The following CDCA7L variants were observed in gnomAD, a reference collection of about 807,000 sequenced individuals.
CDCA7L encodes cell division cycle-associated 7-like protein.
Under a neutral mutation model 57.4 loss-of-function variants are expected in CDCA7L, and 44 were observed. The observed-to-expected ratio is 0.77, with a 90% CI of 0.60 to 0.98. The LOEUF (loss-of-function observed/expected upper bound fraction) is 0.98. Ranked by LOEUF, CDCA7L falls within the 50% of genes least tolerant of loss-of-function variation. CDCA7L has a pLI of 0.00. For missense variants in CDCA7L, 644 were observed against 580.6 expected, an observed-to-expected ratio of 1.11 and a Z score of -1.12; for synonymous variants, 236 against 202.8, an observed-to-expected ratio of 1.16 and a Z score of -1.39.
At chr7:21,944,686 C>T (rs1469792232) in intron 1 of CDCA7L, 1 of 152,096 alleles carries the variant, frequency 6.6e-6, no homozygotes, top group Non-Finnish European at 1.5e-5. Flanking sequence ...CCGTTAGTGG[C>T]TCAGTCTTTG....
rs150191317 is a variant in CDCA7L, at chr7:21,942,143, C to A, written c.24+3638G>T. Among the ~76,000 whole-genome samples the A allele has an allele frequency of 2.6e-4, 39 of 152,292 alleles. No homozygotes were observed. The East Asian group carries it at 7.1e-3, about 28-fold the overall frequency. The stretch of plus-strand genomic sequence containing the variant: ...CAGTGTACTAACCCAGTCAGCAAGC[C>A]CTCTATCCTCAGCTGATGATCATGA... On this transcript the variant is annotated intron_variant, in intron 1 of 9. Transcript: ENST00000406877.
chr7:21,916,834 A>C lies in CDCA7L; in HGVS notation c.85T>G (p.Phe29Val). The C allele has an allele frequency of 6.2e-7, 1 of 1,614,118 alleles. No homozygotes were observed. Among genetic ancestry groups the C allele is most frequent in the Non-Finnish European group, 8.5e-7 (1 of 1,179,976 alleles). The change falls in exon 2 of 10, where the codon TTC becomes GTC. Residue 29 changes from phenylalanine to valine, a missense_variant. By Grantham distance (50) the Phe-to-Val change is conservative (BLOSUM62 -1). Transcript: ENST00000406877. ...APSDDEEFVG[F>V]RDDVPMETLS... ...GTTTCCATGGGAACATCATCTCGGA[A>C]GCCAACAAACTCTTCATCATCACTG... is the stretch of plus-strand genomic sequence containing the variant.
chr7:21,922,775 G>A (rs1453859916), intron 1 of CDCA7L, among the ~76,000 whole-genome samples: 2 of 152,130 alleles, frequency 1.3e-5, no homozygotes, highest in African/African-American at 2.4e-5. Flanking sequence ...AGTATCCATC[G>A]ATGGATAAAT....
intron 1 of CDCA7L, among the ~76,000 whole-genome samples, chr7:21,941,053 ACAATGTGT>A (rs994849780): frequency 6.6e-6 from 1 of 152,150 alleles, no homozygotes; most frequent in African/African-American, 2.4e-5. Flanking sequence ...CCCTAGGAAA[ACAATGTGT>A]CAGAGGCTCC....
Position 21,928,376 on chromosome 7 carries a change from C to G in CDCA7L, c.25-11482G>C, listed in dbSNP as rs571911956. 2.0e-5 allele frequency among the ~76,000 whole-genome samples: 3 copies of G among 152,116 alleles called. No individual in the cohort carries two copies. The South Asian group carries it at 6.2e-4, about 32-fold the overall frequency. Reference sequence around the variant, plus strand: ...ACCAGCACAAAAAGGCTGAAAATTCCAAAAACCAGAATGCCTCTTCTCCTC... The same window carrying G: ...ACCAGCACAAAAAGGCTGAAAATTCGAAAAACCAGAATGCCTCTTCTCCTC... On this transcript the variant is annotated intron_variant, in intron 1 of 9. Coordinates refer to ENST00000406877, the MANE Select transcript of CDCA7L (RefSeq NM_018719.5).
intron 3 of CDCA7L, among the ~76,000 whole-genome samples, chr7:21,911,145 T>C (rs560071433): frequency 1.4e-5 from 2 of 147,746 alleles, no homozygotes; most frequent in South Asian, 2.2e-4. Context: ...TCCTCCTGCC[T>C]CCGCCTCCCG....
chr7:21,904,939 G>T (rs1227318726), intron 7 of CDCA7L, among the ~76,000 whole-genome samples: 2 of 152,190 alleles, frequency 1.3e-5, no homozygotes, highest in Non-Finnish European at 2.9e-5. Context: ...TGAGCCTTGG[G>T]TGGCATCACC....
chr7:21,928,940 C>G (rs1785909356), intron 1 of CDCA7L, among the ~76,000 whole-genome samples: 1 of 152,020 alleles, frequency 6.6e-6, no homozygotes, highest in Admixed American at 6.6e-5. Flanking sequence ...CATTCAAACT[C>G]AGAAAATACA....
intron 1 of CDCA7L, among the ~76,000 whole-genome samples, chr7:21,925,590 T>A (rs79770187): frequency 0.012 from 1,854 of 152,288 alleles, 36 homozygotes; most frequent in African/African-American, 0.042. Context: ...AAGAGAATCA[T>A]AAAATCAAGG....
intron 1 of CDCA7L, among the ~76,000 whole-genome samples, chr7:21,919,939 T>C (rs1235255497): frequency 1.3e-5 from 2 of 152,244 alleles, no homozygotes; most frequent in Non-Finnish European, 2.9e-5. Flanking sequence ...ATGTTTCACA[T>C]GTACTTCCCA....
At position 21,902,970 on chromosome 7, in the gene CDCA7L, T is replaced by A. The variant is rs547483030; in HGVS notation, c.1334+8A>T. 1.1e-4 allele frequency: 177 copies of A among 1,613,298 alleles called. 1 individual carries two copies. In the Admixed American group the frequency reaches 2.9e-3, roughly 27 times the overall value. On this transcript the variant is annotated splice_region_variant and intron_variant, in intron 9 of 9. Transcript: ENST00000406877. Reference sequence around the variant, plus strand: ...AGCTGTTTTGTAAGCTGCTAGAGACTTACTTACCTCTCCAGATATTCCTTA... The same window carrying A: ...AGCTGTTTTGTAAGCTGCTAGAGACATACTTACCTCTCCAGATATTCCTTA...
rs1302281299 is a variant in CDCA7L, at chr7:21,903,219, A to C, written c.1198-105T>G. ...TCAGCTGGCCTCTCCTCCAACCTTT[A>C]ATCACATGGCATCTTTCAGTCTACG... On this transcript the variant is annotated intron_variant, in intron 8 of 9. Coordinates refer to ENST00000406877, the MANE Select transcript of CDCA7L (RefSeq NM_018719.5). 5 of 1,071,500 alleles carry C rather than the reference A, an allele frequency of 4.7e-6. No individual in the cohort carries two copies. In the Admixed American group the frequency reaches 1.2e-4, roughly 25 times the overall value. The allele number at this position is 1,071,500 out of a possible 1,614,324, so 66.4% of individuals were successfully genotyped here.
At chr7:21,907,422 T>G (rs191305130) in intron 4 of CDCA7L, among the ~76,000 whole-genome samples, 1 of 151,926 alleles carries the variant, frequency 6.6e-6, no homozygotes, top group Non-Finnish European at 1.5e-5. Flanking sequence ...AAGGAAAAGA[T>G]TAAAAAATTA....
At position 21,906,818 on chromosome 7, in the gene CDCA7L, G is replaced by C. The variant is rs542552550; in HGVS notation, c.682-179C>G. ...GTAAAGATTGTACCTCCAGACCTGA[G>C]ATGCTGATGTCATCATTCATATGAA... On this transcript the variant is annotated intron_variant, in intron 4 of 9. Coordinates refer to ENST00000406877, the MANE Select transcript of CDCA7L (RefSeq NM_018719.5). 2.8e-4 allele frequency among the ~76,000 whole-genome samples: 42 copies of C among 152,236 alleles called. No homozygotes were observed. In the South Asian group the frequency reaches 7.9e-3, roughly 29 times the overall value.
intron 2 of CDCA7L, among the ~76,000 whole-genome samples, chr7:21,915,667 A>ACACC (rs1785462645): frequency 1.4e-5 from 2 of 146,174 alleles, no homozygotes; most frequent in South Asian, 4.4e-4. Context: ...AAACACACAC[A>ACACC]CACACACAAA....
chr7:21,908,734 C>T (rs577420854), intron 3 of CDCA7L, among the ~76,000 whole-genome samples: 39 of 152,190 alleles, frequency 2.6e-4, no homozygotes, highest in African/African-American at 8.9e-4. Flanking sequence ...CCATCATACC[C>T]GCGACAGAAA....
In CDCA7L at chr7:21,901,393, TGAAAGTCAGAAAAAAATACTA is replaced by T. The variant is rs755545205; in HGVS notation, c.*908_*928del. ...TCTTTTTTCAACGCTATCCTTAGAG[TGAAAGTCAGAAAAAAATACTA>T]GAAACTAACTCAGGGCTGAGCGTGG... On this transcript the variant is annotated 3_prime_UTR_variant, in exon 10 of 10. Coordinates refer to ENST00000406877, the MANE Select transcript of CDCA7L (RefSeq NM_018719.5). 5.1e-3 allele frequency: 6,305 copies of T among 1,233,236 alleles called. 20 individuals carry two copies. Among genetic ancestry groups the T allele is most frequent in the Non-Finnish European group, 6.0e-3 (5,746 of 954,160 alleles). The allele number at this position is 1,233,236 out of a possible 1,614,324, so 76.4% of individuals were successfully genotyped here.
At chr7:21,905,736 G>C (rs111729684) in intron 6 of CDCA7L, 105 bp from the exon 7 acceptor site, 1 of 1,227,546 alleles carries the variant, frequency 8.1e-7, no homozygotes, top group Non-Finnish European at 1.1e-6. Flanking sequence ...TGTTAACCCC[G>C]TCCCTCTTCT....
At position 21,945,892 on chromosome 7, in the gene CDCA7L, G is replaced by A. The variant is rs1786511932; in HGVS notation, c.-88C>T. On this transcript the variant is annotated 5_prime_UTR_variant, in exon 1 of 10. Transcript: ENST00000406877. ...GCCCGGCGCACCAAGAACGCCCCGCGCCCGAGCAGCTAGCGCGCTCCGCCC... is the reference window on the plus strand; with the variant it reads ...GCCCGGCGCACCAAGAACGCCCCGCACCCGAGCAGCTAGCGCGCTCCGCCC... 2.8e-6 allele frequency: 4 copies of A among 1,419,124 alleles called. No homozygotes were observed. The highest frequency in any genetic ancestry group is 3.0e-5 in the African/African-American group (2 of 66,682). The allele number at this position is 1,419,124 out of a possible 1,614,324, so 87.9% of individuals were successfully genotyped here. A position where few individuals can be genotyped will look rare whatever the true frequency, so the allele number is the denominator to read the frequency against.
Sources: gnomAD v4.1 joint callset for allele counts (sites outside exome capture counted in the v4.1 genomes callset) on GRCh38, gnomAD v4.1.1 for gene constraint, MANE v1.5 for transcripts, NCBI Gene and HGNC (gene_info 2026-07-23, HGNC 2026-07-21) for gene names.